Variants in DDX5 observed in about 807,000 individuals in gnomAD.
DDX5 encodes the protein DEAD-box helicase 5.
In DDX5, 6 loss-of-function variants were observed where a neutral mutation model predicts 68.6. That is an observed-to-expected ratio of 0.09 (90% CI 0.05 to 0.17). The LOEUF is 0.17. DDX5 is among the 10% of genes least tolerant of loss of function. The pLI is 1.00. For missense variants in DDX5, 499 were observed against 756.1 expected (o/e 0.66, Z 3.99); for synonymous variants, 350 against 247.0 (o/e 1.42, Z -3.91).
chr17:64,503,162 G>C (rs1162112497), intron 7 of DDX5, 26 bp downstream of exon 7: 1 of 1,613,150 alleles, frequency 6.2e-7, no homozygotes, highest in Non-Finnish European at 8.5e-7. Context: ...AATTCAGTTT[G>C]ATCACATATT....
Position 64,505,055 on chromosome 17 carries a change from C to T in DDX5, c.45-213G>A, listed in dbSNP as rs1041454673. 1.1e-5 allele frequency: 5 copies of T among 446,702 alleles called. No individual in the cohort carries two copies. The Admixed American group carries it at 1.6e-4, about 14-fold the overall frequency. The allele number at this position is 446,702 out of a possible 1,614,324, so 27.7% of individuals were successfully genotyped here. Reference sequence around the variant, plus strand: ...GTACACATTACTTAGGTCATGTAAACAGCCTGGGATTTATCATGTCGGAAG... The same window carrying T: ...GTACACATTACTTAGGTCATGTAAATAGCCTGGGATTTATCATGTCGGAAG... On this transcript the variant is annotated intron_variant, in intron 1 of 12. Coordinates refer to ENST00000225792, the MANE Select transcript of DDX5 (RefSeq NM_004396.5).
chr17:64,501,490 AG>A, intron 11 of DDX5: 1 of 162,028 alleles, frequency 6.2e-6, no homozygotes, highest in African/African-American at 2.4e-5. Flanking sequence ...TAAAAGGCTT[AG>A]TACCTTTTAA....
At chr17:64,506,395 G>A (rs961032836), upstream of DDX5, 18 of 1,400,764 alleles carry the variant, frequency 1.3e-5, no homozygotes, top group Non-Finnish European at 1.6e-5. Flanking sequence ...CTCGCGCATA[G>A]GCCGCAACGC....
In DDX5 at chr17:64,504,788, C is replaced by T. The variant is rs535550323; in HGVS notation, c.99G>A (p.Lys33=). ...CTAATTTCTCCCCAGGGTTTCCAAA[C>T]TTCTTTCCAGATAAGGGCCCTGCCC... ...GSRAGPLSGK[K]FGNPGEKLVK... Residue 33 remains lysine, a synonymous_variant, in exon 2 of 13, where the codon AAG becomes AAA. Transcript: ENST00000225792. 7.4e-6 allele frequency: 12 copies of T among 1,614,130 alleles called. No individual in the cohort carries two copies. The highest frequency in any genetic ancestry group is 2.2e-5 in the South Asian group (2 of 91,056).
chr17:64,506,375 C>A (rs1277383685), upstream of DDX5: 18 of 1,414,960 alleles, frequency 1.3e-5, no homozygotes, highest in African/African-American at 1.0e-4. Context: ...ATGACCTAAT[C>A]GCCCCGCCCC....
rs1197721236 is a variant in DDX5, at chr17:64,499,353, C to G, written c.*570G>C. Among the ~76,000 whole-genome samples the G allele has an allele frequency of 6.6e-6, 1 of 152,138 alleles. No individual in the cohort carries two copies. The highest frequency in any genetic ancestry group is 1.5e-5 in the Non-Finnish European group (1 of 67,982). Reference sequence around the variant, plus strand: ...AGGAAAAAGGCTATTAAATGACTCCCCTGATGCTGGAAGCTGACAAAGCTT... The same window carrying G: ...AGGAAAAAGGCTATTAAATGACTCCGCTGATGCTGGAAGCTGACAAAGCTT... On this transcript the variant is annotated 3_prime_UTR_variant, in exon 13 of 13. Coordinates refer to ENST00000225792, the MANE Select transcript of DDX5 (RefSeq NM_004396.5).
chr17:64,506,621 C>T (rs1421034073), upstream of DDX5: 3 of 386,198 alleles, frequency 7.8e-6, no homozygotes, highest in Non-Finnish European at 1.4e-5. Context: ...AGAGCCCTCA[C>T]GTCTGTAACC....
In DDX5 at chr17:64,500,015, G is replaced by A. The variant is rs2038255737; in HGVS notation, c.1753C>T (p.His585Tyr). 1 of 1,614,194 alleles carries A rather than the reference G, an allele frequency of 6.2e-7. No homozygotes were observed. The highest frequency in any genetic ancestry group is 8.5e-7 in the Non-Finnish European group (1 of 1,180,026). Reference protein sequence around the residue: ...QQYGSNVPNMHNGMNQQAYAY... With the variant: ...QQYGSNVPNMYNGMNQQAYAY... Reference sequence around the variant, plus strand: ...TATGCCTGTTGGTTCATACCATTGTGCATATTTGGAACATTACTTCCGTAT... The same window carrying A: ...TATGCCTGTTGGTTCATACCATTGTACATATTTGGAACATTACTTCCGTAT... Residue 585 changes from histidine (H) to tyrosine (Y), a missense_variant, in exon 13 of 13, where the codon CAC becomes TAC. Transcript: ENST00000225792.
chr17:64,506,324 G>C (rs2038521387), upstream of DDX5: 3 of 1,482,118 alleles, frequency 2.0e-6, no homozygotes, highest in Non-Finnish European at 1.8e-6. Flanking sequence ...TTTATAGTCT[G>C]GACCGCCTCC....
rs2144260218 is a variant in DDX5, at chr17:64,502,696, T to TC, written c.984-148dup. ...CCTGCTAATCCACTTATCGAGCAGT[T>TC]CGACCCTTGGTCCTTAAGTCAACCA... On this transcript the variant is annotated intron_variant, in intron 8 of 12. Coordinates refer to ENST00000225792, the MANE Select transcript of DDX5 (RefSeq NM_004396.5). 4.1e-6 allele frequency: 3 copies of TC among 730,998 alleles called. 1 individual carries two copies. The Admixed American group carries it at 8.7e-5, about 21-fold the overall frequency. The allele number at this position is 730,998 out of a possible 1,614,324, so 45.3% of individuals were successfully genotyped here.
chr17:64,501,027 G>A, intron 11 of DDX5: 1 of 529,988 alleles, frequency 1.9e-6, no homozygotes, highest in Non-Finnish European at 3.4e-6. Context: ...TGTTCCCTAA[G>A]CACATTCCCA....
Position 64,500,073 on chromosome 17 carries a change from C to G in DDX5, c.1695G>C (p.Gly565=). Reference sequence around the variant, plus strand: ...TGCTATCATAACCATTCTGGTAAGTCCCTGTTGGATTACCAGTCCTAAAAC... The same window carrying G: ...TGCTATCATAACCATTCTGGTAAGTGCCTGTTGGATTACCAGTCCTAAAAC... ...QTSFRTGNPT[G]TYQNGYDSTQ... The change falls in exon 13 of 13, where the codon GGG becomes GGC. Residue 565 remains glycine (G), a synonymous_variant. Transcript: ENST00000225792. 5 of 1,614,182 alleles carry G rather than the reference C, an allele frequency of 3.1e-6. No homozygotes were observed. The highest frequency in any genetic ancestry group is 4.2e-6 in the Non-Finnish European group (5 of 1,180,026).
Position 64,502,224 on chromosome 17 carries a change from CTAAGT to C in DDX5, c.1095-6_1095-2del, listed in dbSNP as rs782009355. 5.6e-6 allele frequency: 9 copies of C among 1,613,830 alleles called. No homozygotes were observed. Among genetic ancestry groups the C allele is most frequent in the South Asian group, 1.1e-5 (1 of 91,082 alleles). On this transcript the variant is annotated splice_acceptor_variant and splice_polypyrimidine_tract_variant and intron_variant, in intron 9 of 12. Transcript: ENST00000225792. LOFTEE classifies it high-confidence loss of function. ...ACCATGGATACCCATGGCAGGCCAC[CTAAGT>C]TAAAAGACAAGTTGTGTTATTAAAC...
chr17:64,503,158 G>C (rs1420863965), intron 7 of DDX5, 30 bp downstream of exon 7: 16 of 1,612,984 alleles, frequency 9.9e-6, no homozygotes, highest in Non-Finnish European at 1.4e-5. Flanking sequence ...ACACAATTCA[G>C]TTTGATCACA....
At chr17:64,504,922 A>G (rs2038394121) in intron 1 of DDX5, 80 bp from the exon 2 acceptor site, 12 of 1,419,356 alleles carry the variant, frequency 8.5e-6, no homozygotes, top group Middle Eastern at 2.1e-4. Flanking sequence ...CCATTGGCAC[A>G]AGCTAAAAAC....
chr17:64,502,813 C>G (rs2038333255), intron 8 of DDX5, 113 bp downstream of exon 8: 5 of 1,112,368 alleles, frequency 4.5e-6, no homozygotes, highest in African/African-American at 1.6e-5. Flanking sequence ...AGTAGGCTAA[C>G]TAAATGAAAT....
rs576888923 is a variant in DDX5, at chr17:64,503,613, A to T, written c.508-42T>A. The stretch of plus-strand genomic sequence containing the variant: ...AGCTTTCAGCACAAACCTGGATACT[A>T]GTTTTAAACTGCTAACTTATTATAC... On this transcript the variant is annotated intron_variant, in intron 5 of 12. Coordinates refer to ENST00000225792, the MANE Select transcript of DDX5 (RefSeq NM_004396.5). The T allele has an allele frequency of 6.8e-6, 11 of 1,606,784 alleles. No individual in the cohort carries two copies. The South Asian group carries it at 1.2e-4, about 18-fold the overall frequency.
At chr17:64,502,092 G>C (rs1184551168) in intron 10 of DDX5, 23 bp from the exon 11 acceptor site, 89 of 1,613,688 alleles carry the variant, frequency 5.5e-5, no homozygotes, top group Non-Finnish European at 7.1e-5. Context: ...GCATATACAT[G>C]ATCAATTATC....
At chr17:64,500,947 G>T in intron 11 of DDX5, 174 bp from the exon 12 acceptor site, 1 of 601,382 alleles carries the variant, frequency 1.7e-6, no homozygotes, top group African/African-American at 1.9e-5. Flanking sequence ...GTTGAAAAAA[G>T]AAAAAAAAGC....
Sources: gnomAD v4.1 joint callset for allele counts (sites outside exome capture counted in the v4.1 genomes callset) on GRCh38, gnomAD v4.1.1 for gene constraint, MANE v1.5 for transcripts, NCBI Gene and HGNC (gene_info 2026-07-23, HGNC 2026-07-21) for gene names.